The following NAGS variants were observed in gnomAD, a reference collection of about 807,000 sequenced individuals.
NAGS encodes the protein N-acetylglutamate synthase.
NAGS carries 34 observed loss-of-function variants against 46.9 expected under a neutral mutation model. That is an observed-to-expected ratio of 0.72 (90% confidence interval 0.55 to 0.97). NAGS has a LOEUF of 0.97. Among genes scored for constraint, NAGS ranks in the 50% least tolerant of loss-of-function variants. The pLI is 0.00. For missense variants in NAGS, 665 were observed against 747.0 expected, an observed-to-expected ratio of 0.89 and a Z score of 1.28; for synonymous variants, 334 against 346.3, an observed-to-expected ratio of 0.96 and a Z score of 0.39.
rs1597866047 is a variant in NAGS at position 44,007,107 on chromosome 17, G to C, written c.1097-216G>C. 3.8e-5 allele frequency: 23 copies of C among 607,536 alleles called. No homozygotes were observed. In the East Asian group the frequency reaches 6.4e-4, roughly 17 times the overall value. The allele number at this position is 607,536 out of a possible 1,614,324, so 37.6% of individuals were successfully genotyped here. On this transcript the variant is annotated intron_variant, in intron 4 of 6. Coordinates refer to ENST00000293404, the MANE Select transcript of NAGS (RefSeq NM_153006.3). This position sits in a 1 kb window ranked among gnomAD's most constrained non-coding sequence, Gnocchi z 5.1. ...ACTAACGGAAGTGGGTGGGGCTCCA[G>C]GCGACAGGAGGAACTTGGGGCACAA...
intron 6 of NAGS, among the ~76,000 whole-genome samples, chr17:44,008,247 G>T (rs2049120603): frequency 2.0e-5 from 3 of 152,232 alleles, no homozygotes; most frequent in Non-Finnish European, 4.4e-5. Context: ...AGCCTTAGCT[G>T]CTTCTCTGTG....
Position 44,006,759 on chromosome 17 carries a change from CCG to C in NAGS, c.1096+51_1096+52del, listed in dbSNP as rs1330240363. 1 of 1,537,576 alleles carries C rather than the reference CCG, an allele frequency of 6.5e-7. No individual in the cohort carries two copies. The highest frequency in any genetic ancestry group is 2.3e-5 in the East Asian group (1 of 43,964). ...ACTGGGTCCCGGGAGTGAGTACTGG[CCG>C]GGGCTGGGTGTCTGCGGTCAGGAGG... On this transcript the variant is annotated intron_variant, in intron 4 of 6. Transcript: ENST00000293404. The surrounding 1 kb of genome is among the most constrained non-coding windows in gnomAD (Gnocchi z 4.8).
Position 44,004,761 on chromosome 17 carries a change from G to A in NAGS, c.98G>A (p.Cys33Tyr), listed in dbSNP as rs1402939708. Reference protein sequence around the residue: ...GGTGGARRLSCGARRRAARGT... With the variant: ...GGTGGARRLSYGARRRAARGT... The stretch of plus-strand genomic sequence containing the variant: ...ACTGGGGGCGCCCGAAGGCTGAGCT[G>A]TGGCGCGCGGCGGCGGGCGGCGAGG... Residue 33 changes from cysteine (C) to tyrosine (Y), a missense_variant, in exon 1 of 7, where the codon TGT (cysteine) becomes TAT (tyrosine). By Grantham distance (194) the Cys-to-Tyr change is radical. Transcript: ENST00000293404. The A allele has an allele frequency of 5.0e-6, 7 of 1,410,440 alleles. No homozygotes were observed. Among genetic ancestry groups the A allele is most frequent in the Non-Finnish European group, 1.8e-6 (2 of 1,088,112 alleles). 87.4% of individuals were successfully genotyped at this position (1,410,440 alleles called of 1,614,324 possible).
rs578035320 is a variant in NAGS, at chr17:44,008,760, G to A, written c.*159G>A. 2.0e-5 allele frequency: 19 copies of A among 929,702 alleles called. No individual in the cohort carries two copies. Among genetic ancestry groups the A allele is most frequent in the Admixed American group, 1.6e-4 (8 of 49,840 alleles). 57.6% of individuals were successfully genotyped at this position (929,702 alleles called of 1,614,324 possible). A position where few individuals can be genotyped will look rare whatever the true frequency, so the allele number is the denominator to read the frequency against. On this transcript the variant is annotated 3_prime_UTR_variant, in exon 7 of 7. Coordinates refer to ENST00000293404, the MANE Select transcript of NAGS (RefSeq NM_153006.3). ...AGCCCCAGCTCTGCCCAGAGGAGGC[G>A]CTGAAGTGGGACAAGCACAGGAAAG...
At position 44,005,436 on chromosome 17, in the gene NAGS, G is replaced by A. The variant is rs563653302; in HGVS notation, c.427-201G>A. Among the ~76,000 whole-genome samples, 1 of 152,342 alleles carries A rather than the reference G, an allele frequency of 6.6e-6. No individual in the cohort carries two copies. The highest frequency in any genetic ancestry group is 1.9e-4 in the East Asian group (1 of 5,174). ...CGGAGTCCAAGGTCGGAGGGAGGAG[G>A]GCGGGAGGTACCCCAGCGTGAGACA... On this transcript the variant is annotated intron_variant, in intron 1 of 6. Coordinates refer to ENST00000293404, the MANE Select transcript of NAGS (RefSeq NM_153006.3). The surrounding 1 kb of genome is among the most constrained non-coding windows in gnomAD (Gnocchi z 7.2).
chr17:44,006,672 C>A lies in NAGS; in HGVS notation c.1059C>A (p.Ala353=), dbSNP rs1434296716. 6.2e-7 allele frequency: 1 copy of A among 1,611,374 alleles called. No individual in the cohort carries two copies. The highest frequency in any genetic ancestry group is 1.7e-5 in the Admixed American group (1 of 59,914). ...ACCACTCCTCGGCCGTCATCACCGCCGCTAGCACGCTGCTCACTGAGCTCT... is the reference window on the plus strand; with the variant it reads ...ACCACTCCTCGGCCGTCATCACCGCAGCTAGCACGCTGCTCACTGAGCTCT... The part of the protein sequence containing the change: ...LPHHSSAVIT[A]ASTLLTELFS... Residue 353 remains alanine, a synonymous_variant, in exon 4 of 7, where the codon GCC becomes GCA. Transcript: ENST00000293404. The surrounding 1 kb of genome is among the most constrained non-coding windows in gnomAD (Gnocchi z 4.8).
At position 44,006,576 on chromosome 17, in the gene NAGS, C is replaced by T. The variant is rs148484882; in HGVS notation, c.963C>T (p.Asn321=). ...CCGCCGACCTGGACCTGGTGTGCAA[C>T]GCCGAGTGGGTGAGCACAAAAGAAC... ...NLPADLDLVC[N]AEWVSTKERQ... The change falls in exon 4 of 7, where the codon AAC becomes AAT. Residue 321 remains asparagine (N), a synonymous_variant. Transcript: ENST00000293404. This position sits in a 1 kb window ranked among gnomAD's most constrained non-coding sequence, Gnocchi z 4.8. 3.2e-6 allele frequency: 5 copies of T among 1,582,710 alleles called. No individual in the cohort carries two copies. Among genetic ancestry groups the T allele is most frequent in the Non-Finnish European group, 4.3e-6 (5 of 1,163,618 alleles).
At position 44,006,107 on chromosome 17, in the gene NAGS, G is replaced by C; in HGVS notation, c.785G>C (p.Gly262Ala). 6.2e-7 allele frequency: 1 copy of C among 1,612,944 alleles called. No homozygotes were observed. The highest frequency in any genetic ancestry group is 1.1e-5 in the South Asian group (1 of 91,052). ...SGSIPILCPI[G>A]ETAARRSVLL... ...AGCATCCCCATCCTGTGCCCCATCG[G>C]GGAGACGGCCGCGCGCCGCTCCGTG... The change falls in exon 3 of 7, where the codon GGG (glycine) becomes GCG (alanine). Residue 262 changes from glycine (G) to alanine (A), a missense_variant. Coordinates refer to ENST00000293404, the MANE Select transcript of NAGS (RefSeq NM_153006.3). This position sits in a 1 kb window ranked among gnomAD's most constrained non-coding sequence, Gnocchi z 4.8.
Position 44,006,514 on chromosome 17 carries a change from T to C in NAGS, c.916-15T>C. 3 of 1,550,858 alleles carry C rather than the reference T, an allele frequency of 1.9e-6. No homozygotes were observed. Among genetic ancestry groups the C allele is most frequent in the Non-Finnish European group, 1.7e-6 (2 of 1,147,216 alleles). On this transcript the variant is annotated splice_polypyrimidine_tract_variant and intron_variant, in intron 3 of 6. Transcript: ENST00000293404. The surrounding 1 kb of genome is among the most constrained non-coding windows in gnomAD (Gnocchi z 4.8). ...CCGGCTGTGGGCCAGGCTCACCCGC[T>C]GACTCCGGACACAGGTCCTGAGTAA...
chr17:44,007,284 G>A lies in NAGS; in HGVS notation c.1097-39G>A. ...CAGTCCCCACCAGGCTGCGCAAACG[G>A]CCCTCCAGCCAGACTAGCCCCTCCC... On this transcript the variant is annotated intron_variant, in intron 4 of 6. Transcript: ENST00000293404. The surrounding 1 kb of genome is among the most constrained non-coding windows in gnomAD (Gnocchi z 5.1). 6.2e-7 allele frequency: 1 copy of A among 1,606,994 alleles called. No individual in the cohort carries two copies. Among genetic ancestry groups the A allele is most frequent in the Non-Finnish European group, 8.5e-7 (1 of 1,176,802 alleles).
At position 44,008,836 on chromosome 17, in the gene NAGS, A is replaced by C. The variant is rs967756558; in HGVS notation, c.*235A>C. 6 of 596,370 alleles carry C rather than the reference A, an allele frequency of 1.0e-5. No individual in the cohort carries two copies. Among genetic ancestry groups the C allele is most frequent in the Non-Finnish European group, 1.5e-5 (5 of 337,724 alleles). The allele number at this position is 596,370 out of a possible 1,614,324, so 36.9% of individuals were successfully genotyped here. A position where few individuals can be genotyped will look rare whatever the true frequency, so the allele number is the denominator to read the frequency against. ...TCGACTCACTCTAAAGCTACAACCA[A>C]ATGGCCTTCGATTTTCAACCTGGGG... On this transcript the variant is annotated 3_prime_UTR_variant, in exon 7 of 7. Transcript: ENST00000293404.
Position 44,005,975 on chromosome 17 carries a change from T to C in NAGS, c.702-49T>C. The C allele has an allele frequency of 6.4e-7, 1 of 1,558,988 alleles. No homozygotes were observed. The highest frequency in any genetic ancestry group is 8.7e-7 in the Non-Finnish European group (1 of 1,155,664). ...GTGCTACTCTGCCCGCCCTGCCCCG[T>C]CCGGCAGGCCTGGAGGGGGCCCTCT... is the stretch of plus-strand genomic sequence containing the variant. On this transcript the variant is annotated intron_variant, in intron 2 of 6. Transcript: ENST00000293404. The surrounding 1 kb of genome is among the most constrained non-coding windows in gnomAD (Gnocchi z 7.2).
chr17:44,006,589 A>T lies in NAGS; in HGVS notation c.976A>T (p.Ser326Cys). 6.3e-7 allele frequency: 1 copy of T among 1,594,942 alleles called. No homozygotes were observed. Among genetic ancestry groups the T allele is most frequent in the Non-Finnish European group, 8.5e-7 (1 of 1,170,228 alleles). ...CCTGGTGTGCAACGCCGAGTGGGTG[A>T]GCACAAAAGAACGGCAGCAGATGCG... ...LDLVCNAEWVSTKERQQMRLI... is the reference protein window; with the variant it reads ...LDLVCNAEWVCTKERQQMRLI... The change falls in exon 4 of 7, where the codon AGC becomes TGC. Residue 326 changes from serine (S) to cysteine (C), a missense_variant. Physicochemically the swap from Ser to Cys is moderately radical, Grantham distance 112. Transcript: ENST00000293404. The surrounding 1 kb of genome is among the most constrained non-coding windows in gnomAD (Gnocchi z 4.8).
rs952633263 is a variant in NAGS at position 44,006,507 on chromosome 17, C to T, written c.916-22C>T. 6.5e-6 allele frequency: 10 copies of T among 1,549,858 alleles called. No individual in the cohort carries two copies. The highest frequency in any genetic ancestry group is 7.8e-6 in the Non-Finnish European group (9 of 1,147,080). ...GTCCGTGCCGGCTGTGGGCCAGGCT[C>T]ACCCGCTGACTCCGGACACAGGTCC... On this transcript the variant is annotated intron_variant, in intron 3 of 6. Coordinates refer to ENST00000293404, the MANE Select transcript of NAGS (RefSeq NM_153006.3). This position sits in a 1 kb window ranked among gnomAD's most constrained non-coding sequence, Gnocchi z 4.8.
rs1465873441 is a variant in NAGS at position 44,008,499 on chromosome 17, C to G, written c.1503C>G (p.Phe501Leu). 1 of 1,614,268 alleles carries G rather than the reference C, an allele frequency of 6.2e-7. No individual in the cohort carries two copies. The highest frequency in any genetic ancestry group is 8.5e-7 in the Non-Finnish European group (1 of 1,180,048). ...GSFSNKQWIFFWFGLADIRDS... is the reference protein window; with the variant it reads ...GSFSNKQWIFLWFGLADIRDS... Reference sequence around the variant, plus strand: ...TCTCCAACAAGCAGTGGATCTTCTTCTGGTTTGGCCTGGCTGATATCCGGG... The same window carrying G: ...TCTCCAACAAGCAGTGGATCTTCTTGTGGTTTGGCCTGGCTGATATCCGGG... The change falls in exon 7 of 7, where the codon TTC (phenylalanine) becomes TTG (leucine). Residue 501 changes from phenylalanine (F) to leucine (L), a missense_variant. Transcript: ENST00000293404.
At position 44,008,547 on chromosome 17, in the gene NAGS, C is replaced by T. The variant is rs757631705; in HGVS notation, c.1551C>T (p.His517=). 1.3e-5 allele frequency: 21 copies of T among 1,614,248 alleles called. No homozygotes were observed. The highest frequency in any genetic ancestry group is 1.7e-4 in the Middle Eastern group (1 of 6,056). Residue 517 remains histidine (H), a synonymous_variant, in exon 7 of 7, where the codon CAC becomes CAT. Coordinates refer to ENST00000293404, the MANE Select transcript of NAGS (RefSeq NM_153006.3). ...DIRDSYELVN[H]AKGLPDSFHK... ...GGGACTCCTATGAGTTGGTCAACCA[C>T]GCCAAGGGACTGCCAGACTCCTTTC...
chr17:44,004,713 C>G lies in NAGS; in HGVS notation c.50C>G (p.Pro17Arg), dbSNP rs2049059888. The change falls in exon 1 of 7, where the codon CCG (proline) becomes CGG (arginine). Residue 17 changes from proline (P) to arginine (R), a missense_variant. Pro to Arg is a moderately radical substitution (Grantham distance 103). Transcript: ENST00000293404. ...GTTCTGCGGGCAGCTGCTGTAGCCC[C>G]GAGGCTGAGAGGCCGGGGAGGCACT... ...AVVLRAAAVA[P>R]RLRGRGGTGG... is the part of the protein sequence containing the mutation. 7 of 1,506,752 alleles carry G rather than the reference C, an allele frequency of 4.6e-6. No individual in the cohort carries two copies. Among genetic ancestry groups the G allele is most frequent in the Admixed American group, 2.1e-5 (1 of 48,266 alleles). 93.3% of individuals were successfully genotyped at this position (1,506,752 alleles called of 1,614,324 possible).
chr17:44,007,074 G>A lies in NAGS; in HGVS notation c.1097-249G>A. ...CGGCGGGAGACAGACTTCAAGGAGC[G>A]AGGCAAGACTAACGGAAGTGGGTGG... On this transcript the variant is annotated intron_variant, in intron 4 of 6. Transcript: ENST00000293404. This position sits in a 1 kb window ranked among gnomAD's most constrained non-coding sequence, Gnocchi z 5.1. 1 of 588,602 alleles carries A rather than the reference G, an allele frequency of 1.7e-6. No homozygotes were observed. 36.5% of individuals were successfully genotyped at this position (588,602 alleles called of 1,614,324 possible). A position where few individuals can be genotyped will look rare whatever the true frequency, so the allele number is the denominator to read the frequency against.
rs764793347 is a variant in NAGS at position 44,007,331 on chromosome 17, AC to A, written c.1108del (p.Leu370CysfsTer22). 15 of 1,613,592 alleles carry A rather than the reference AC, an allele frequency of 9.3e-6. No individual in the cohort carries two copies. Among genetic ancestry groups the A allele is most frequent in the Non-Finnish European group, 9.3e-6 (11 of 1,179,826 alleles). ...TELFSNKGSG[T>X]LFKNAERMLR... The stretch of plus-strand genomic sequence containing the variant: ...TCCCCATCCTCCTCCAGGGTCCGGG[AC>A]CCTGTTCAAGAACGCCGAGCGAATG... On this transcript the variant is annotated frameshift_variant, in exon 5 of 7. Transcript: ENST00000293404. LOFTEE classifies it high-confidence loss of function. This position sits in a 1 kb window ranked among gnomAD's most constrained non-coding sequence, Gnocchi z 5.1.
Sources: gnomAD v4.1 joint callset for allele counts (sites outside exome capture counted in the v4.1 genomes callset) on GRCh38, gnomAD v4.1.1 for gene constraint, Gnocchi (gnomAD v3.1) non-coding constraint, MANE v1.5 for transcripts, NCBI Gene and HGNC (gene_info 2026-07-23, HGNC 2026-07-21) for gene names.